ARNT2: variants seen among roughly 807,000 people sequenced by gnomAD.
ARNT2 encodes the protein ARNT protein 2.
Under a neutral mutation model 91.7 loss-of-function variants are expected in ARNT2, and 36 were observed. That is an observed-to-expected ratio of 0.39 (90% CI 0.30 to 0.52). The LOEUF is 0.52. Ranked by LOEUF, ARNT2 falls within the 20% of genes least tolerant of loss-of-function variation. The pLI is 0.72. For synonymous variants in ARNT2, 365 were observed against 347.1 expected (o/e 1.05, Z -0.57); for missense variants, 775 against 939.3 (o/e 0.83, Z 2.29).
chr15:80,595,753 G>C lies in ARNT2; in HGVS notation c.*2055G>C, dbSNP rs1893365125. On this transcript the variant is annotated 3_prime_UTR_variant, in exon 19 of 19. Coordinates refer to ENST00000303329, the MANE Select transcript of ARNT2 (RefSeq NM_014862.4). ...CTTTCTTGCTTCTGGGGAAATGGCA[G>C]GTGGTTGAAACCCTGCACATCCTCC... is the stretch of plus-strand genomic sequence containing the variant. 6.6e-6 allele frequency: 1 copy of C among 152,354 alleles called. No homozygotes were observed. The highest frequency in any genetic ancestry group is 6.5e-5 in the Admixed American group (1 of 15,312). 9.4% of individuals were successfully genotyped at this position (152,354 alleles called of 1,614,324 possible). A position where few individuals can be genotyped will look rare whatever the true frequency, so the allele number is the denominator to read the frequency against.
chr15:80,553,599 A>G (rs915377731), intron 10 of ARNT2, among the ~76,000 whole-genome samples: 14 of 152,228 alleles, frequency 9.2e-5, no homozygotes, highest in Non-Finnish European at 1.6e-4. Flanking sequence ...ATGTATGAAT[A>G]TATACACATA....
intron 11 of ARNT2, among the ~76,000 whole-genome samples, chr15:80,557,554 G>A (rs1183020368): frequency 6.6e-6 from 1 of 152,050 alleles, no homozygotes; most frequent in Non-Finnish European, 1.5e-5. Flanking sequence ...AAACCCCTGG[G>A]ACATGAGTTT....
At position 80,574,132 on chromosome 15, in the gene ARNT2, T is replaced by A; in HGVS notation, c.1317-16T>A. 6.2e-7 allele frequency: 1 copy of A among 1,613,364 alleles called. No individual in the cohort carries two copies. Among genetic ancestry groups the A allele is most frequent in the Non-Finnish European group, 8.5e-7 (1 of 1,179,262 alleles). The stretch of plus-strand genomic sequence containing the variant: ...TTCTGTTCTTCATGACCCTCTGTTG[T>A]CTTCTTGTTTCACAGGCAACTTCAG... On this transcript the variant is annotated splice_polypyrimidine_tract_variant and intron_variant, in intron 12 of 18. Transcript: ENST00000303329.
chr15:80,421,360 A>G (rs1011809927), intron 1 of ARNT2, among the ~76,000 whole-genome samples: 13 of 149,660 alleles, frequency 8.7e-5, no homozygotes, highest in Non-Finnish European at 1.9e-4. Flanking sequence ...TCATCCATGT[A>G]TCCAAAAACC....
chr15:80,531,310 C>G (rs1301229905), intron 8 of ARNT2, among the ~76,000 whole-genome samples: 1 of 152,206 alleles, frequency 6.6e-6, no homozygotes, highest in Non-Finnish European at 1.5e-5. Flanking sequence ...TCATCCCAAA[C>G]AGCAGTTTCC....
At chr15:80,545,424 A>C (rs957670646) in intron 8 of ARNT2, among the ~76,000 whole-genome samples, 2 of 152,204 alleles carry the variant, frequency 1.3e-5, no homozygotes, top group Non-Finnish European at 1.5e-5. Flanking sequence ...GTACATGGTA[A>C]ATGTCATGAA....
In ARNT2 at chr15:80,574,198, T is replaced by G. The variant is rs534198358; in HGVS notation, c.1367T>G (p.Leu456Trp). ...TTGGAAGTGCACCAGAGAGATGGAT[T>G]GTCATCGTATGACTTATCCCAGGTG... ...AELEVHQRDG[L>W]SSYDLSQVPV... Residue 456 changes from leucine to tryptophan, a missense_variant, in exon 13 of 19, where the codon TTG (leucine) becomes TGG (tryptophan). Physicochemically the swap from Leu to Trp is moderately conservative, Grantham distance 61. Coordinates refer to ENST00000303329, the MANE Select transcript of ARNT2 (RefSeq NM_014862.4). The G allele has an allele frequency of 3.1e-6, 5 of 1,614,214 alleles. No individual in the cohort carries two copies. Among genetic ancestry groups the G allele is most frequent in the Non-Finnish European group, 4.2e-6 (5 of 1,180,028 alleles).
chr15:80,593,860 T>G lies in ARNT2; in HGVS notation c.*162T>G. On this transcript the variant is annotated 3_prime_UTR_variant, in exon 19 of 19. Coordinates refer to ENST00000303329, the MANE Select transcript of ARNT2 (RefSeq NM_014862.4). Reference sequence around the variant, plus strand: ...CCCCAGGCGCATCATTGCTCCACTCTCCCCTGCAGCCGCGGCTGCTCGGCC... The same window carrying G: ...CCCCAGGCGCATCATTGCTCCACTCGCCCCTGCAGCCGCGGCTGCTCGGCC... The G allele has an allele frequency of 1.2e-4, 73 of 613,944 alleles. No homozygotes were observed. The Middle Eastern group carries it at 1.3e-3, about 11-fold the overall frequency. The allele number at this position is 613,944 out of a possible 1,614,324, so 38.0% of individuals were successfully genotyped here.
intron 8 of ARNT2, among the ~76,000 whole-genome samples, chr15:80,530,322 C>G (rs1285963582): frequency 6.6e-6 from 1 of 152,136 alleles, no homozygotes; most frequent in Non-Finnish European, 1.5e-5. Flanking sequence ...GTCACAAACA[C>G]CCCCTGTAGT....
At chr15:80,411,204 G>A (rs1017558428) in intron 1 of ARNT2, among the ~76,000 whole-genome samples, 3 of 152,170 alleles carry the variant, frequency 2.0e-5, no homozygotes, top group African/African-American at 7.2e-5. Context: ...CCATAAAGCT[G>A]TACTTTGCTT....
At chr15:80,504,604 CA>C (rs548727110) in intron 5 of ARNT2, among the ~76,000 whole-genome samples, 1 of 151,660 alleles carries the variant, frequency 6.6e-6, no homozygotes, top group African/African-American at 2.4e-5. Context: ...CTTGTCTCTA[CA>C]AAAAATAAAA....
chr15:80,430,627 C>T (rs1266768831), intron 1 of ARNT2, among the ~76,000 whole-genome samples: 1 of 152,206 alleles, frequency 6.6e-6, no homozygotes, highest in Non-Finnish European at 1.5e-5. Flanking sequence ...CTCTCACTCT[C>T]CTGTCTCTGA....
At chr15:80,462,535 T>A (rs145884670) in intron 3 of ARNT2, among the ~76,000 whole-genome samples, 20 of 152,358 alleles carry the variant, frequency 1.3e-4, no homozygotes, top group Non-Finnish European at 1.6e-4. Context: ...TTTTGCTCCC[T>A]TCAGACTCAT....
At chr15:80,454,224 C>G (rs999492209) in intron 2 of ARNT2, among the ~76,000 whole-genome samples, 1 of 151,942 alleles carries the variant, frequency 6.6e-6, no homozygotes, top group Non-Finnish European at 1.5e-5. Context: ...AGTAACCTCC[C>G]TGATCTCAGT....
chr15:80,506,543 C>A (rs1321122419), intron 5 of ARNT2, among the ~76,000 whole-genome samples: 1 of 152,164 alleles, frequency 6.6e-6, no homozygotes, highest in African/African-American at 2.4e-5. Flanking sequence ...GGGGGATTCT[C>A]ACCAAACTAA....
At chr15:80,462,922 T>G (rs776376137) in intron 3 of ARNT2, among the ~76,000 whole-genome samples, 1 of 152,218 alleles carries the variant, frequency 6.6e-6, no homozygotes, top group Non-Finnish European at 1.5e-5. Flanking sequence ...TATTTAAGCT[T>G]GTAGGCATTT....
chr15:80,451,020 A>G, intron 2 of ARNT2, 26 bp downstream of exon 2: 1 of 1,600,056 alleles, frequency 6.2e-7, no homozygotes, highest in Non-Finnish European at 8.6e-7. Context: ...GTTTCCAGGA[A>G]TTGGCTTAAT....
intron 17 of ARNT2, among the ~76,000 whole-genome samples, chr15:80,584,272 G>T (rs1049669588): frequency 6.6e-6 from 1 of 152,172 alleles, no homozygotes; most frequent in Non-Finnish European, 1.5e-5. Context: ...CATCAGAGGT[G>T]TAGAGGGGCC....
rs1486927722 is a variant in ARNT2, at chr15:80,594,524, G to A, written c.*826G>A. On this transcript the variant is annotated 3_prime_UTR_variant, in exon 19 of 19. Transcript: ENST00000303329. ...GCTAGGGGCATGCTCACATGGGTAG[G>A]TCAGTTCTTTGGTCCAAGCCTCTGG... The A allele has an allele frequency of 1.3e-5, 2 of 152,316 alleles. No homozygotes were observed. The highest frequency in any genetic ancestry group is 1.5e-5 in the Non-Finnish European group (1 of 68,112). The allele number at this position is 152,316 out of a possible 1,614,324, so 9.4% of individuals were successfully genotyped here. A position where few individuals can be genotyped will look rare whatever the true frequency, so the allele number is the denominator to read the frequency against.
Sources: allele counts gnomAD v4.1 joint callset (sites outside exome capture counted in the v4.1 genomes callset), GRCh38; gene constraint gnomAD v4.1.1; transcripts MANE v1.5; gene names NCBI Gene and HGNC (gene_info 2026-07-23, HGNC 2026-07-21).